Variants in DNM3 observed in about 807,000 individuals in gnomAD.
DNM3 encodes the protein dynamin 3.
DNM3 carries 47 observed loss-of-function variants against 101.6 expected under a neutral mutation model. The ratio of observed to expected loss-of-function variants is 0.46; its 90% CI spans 0.37 to 0.59. The LOEUF is 0.59. Among genes scored for constraint, DNM3 ranks in the 20% least tolerant of loss-of-function variants. DNM3 has a pLI of 0.00. For missense variants in DNM3, 849 were observed against 1,085.7 expected (o/e 0.78, Z 3.06); for synonymous variants, 385 against 387.9 (o/e 0.99, Z 0.09).
intron 6 of DNM3, among the ~76,000 whole-genome samples, chr1:172,036,053 C>G (rs10797721): frequency 0.4 from 60,038 of 148,642 alleles, 13,195 homozygotes; most frequent in East Asian, 0.63. Flanking sequence ...TGTGCACAAT[C>G]TGCAGGTTAG....
chr1:172,169,445 T>G (rs2058869053), intron 14 of DNM3, among the ~76,000 whole-genome samples: 2 of 151,944 alleles, frequency 1.3e-5, no homozygotes, highest in South Asian at 4.1e-4. Flanking sequence ...CATTGGGCAT[T>G]TAGTCTTAGG....
At chr1:171,996,133 A>G (rs1179638351) in intron 4 of DNM3, among the ~76,000 whole-genome samples, 2 of 152,126 alleles carry the variant, frequency 1.3e-5, no homozygotes, top group Admixed American at 6.6e-5. Flanking sequence ...TTCTTTCAGT[A>G]TATGTAGAAT....
intron 1 of DNM3, among the ~76,000 whole-genome samples, chr1:171,889,717 G>A (rs955911455): frequency 2.0e-5 from 3 of 152,046 alleles, no homozygotes; most frequent in Non-Finnish European, 4.4e-5. Context: ...AATTTTTTTT[G>A]TTGTTTATCT....
At chr1:172,256,332 AG>A (rs1225601158) in intron 15 of DNM3, among the ~76,000 whole-genome samples, 2 of 152,018 alleles carry the variant, frequency 1.3e-5, no homozygotes, top group Non-Finnish European at 2.9e-5. Flanking sequence ...ATCTGGCCCT[AG>A]GAAGTATTTT....
intron 14 of DNM3, among the ~76,000 whole-genome samples, chr1:172,150,693 C>A (rs543194326): frequency 2.6e-5 from 4 of 152,120 alleles, no homozygotes; most frequent in Non-Finnish European, 5.9e-5. Context: ...GGGTTTGAAT[C>A]CTGGCTTCAC....
chr1:172,416,769 T>C (rs112720187), downstream of DNM3, among the ~76,000 whole-genome samples: 5 of 152,248 alleles, frequency 3.3e-5, 1 homozygote, highest in African/African-American at 1.2e-4. Context: ...TCGACAGAAA[T>C]TTAATTACAC....
intron 15 of DNM3, among the ~76,000 whole-genome samples, chr1:172,303,560 C>T (rs1044956350): frequency 2.0e-5 from 3 of 151,986 alleles, no homozygotes; most frequent in Non-Finnish European, 4.4e-5. Flanking sequence ...GAAGAGCAAC[C>T]CCAAGACACA....
rs1039244861 is a variant in DNM3 at position 172,410,731 on chromosome 1, A to G, written c.*2890A>G. 32 of 985,298 alleles carry G rather than the reference A, an allele frequency of 3.2e-5. No individual in the cohort carries two copies. Among genetic ancestry groups the G allele is most frequent in the South Asian group, 2.8e-4 (6 of 21,284 alleles). The allele number at this position is 985,298 out of a possible 1,614,324, so 61.0% of individuals were successfully genotyped here. ...AAATTTCCTATTTGTTCCAATACAA[A>G]CTCACTTTATTCTAAAGTATATTAA... On this transcript the variant is annotated 3_prime_UTR_variant, in exon 21 of 21. Transcript: ENST00000627582.
rs533377770 is a variant in DNM3, at chr1:172,327,733, C to T, written c.1893+4393C>T. Among the ~76,000 whole-genome samples the T allele has an allele frequency of 1.2e-4, 18 of 152,150 alleles. 1 individual carries two copies. Among genetic ancestry groups the T allele is most frequent in the Middle Eastern group, 6.8e-3 (2 of 294 alleles). Reference sequence around the variant, plus strand: ...CCCTGGGGTCTAAGGAACACCGTCCCCCACCACCTGGTTGACTAAATTTAT... The same window carrying T: ...CCCTGGGGTCTAAGGAACACCGTCCTCCACCACCTGGTTGACTAAATTTAT... On this transcript the variant is annotated intron_variant, in intron 17 of 20. Coordinates refer to ENST00000627582, the MANE Select transcript of DNM3 (RefSeq NM_015569.5).
chr1:172,291,291 C>T (rs571954380), intron 15 of DNM3, among the ~76,000 whole-genome samples: 28 of 151,950 alleles, frequency 1.8e-4, no homozygotes, highest in African/African-American at 2.9e-4. Context: ...CACGTGTGCA[C>T]GCCTGTTTTC....
At chr1:171,985,733 A>T (rs939281493) in intron 2 of DNM3, among the ~76,000 whole-genome samples, 1 of 152,204 alleles carries the variant, frequency 6.6e-6, no homozygotes, top group Non-Finnish European at 1.5e-5. Context: ...GGTCATTTCA[A>T]TTCTTTGGTA....
intron 1 of DNM3, among the ~76,000 whole-genome samples, chr1:171,863,497 T>A (rs2034398012): frequency 6.6e-6 from 1 of 152,136 alleles, no homozygotes; most frequent in Non-Finnish European, 1.5e-5. Flanking sequence ...TTCAAAATAT[T>A]TATGAAATTT....
chr1:171,922,183 G>A (rs2125325305), intron 2 of DNM3, among the ~76,000 whole-genome samples: 1 of 151,560 alleles, frequency 6.6e-6, no homozygotes, highest in South Asian at 2.1e-4. Context: ...ATGCACTTGG[G>A]GATTAACTCA....
chr1:172,048,867 C>G, intron 10 of DNM3, 117 bp downstream of exon 10: 2 of 1,287,494 alleles, frequency 1.6e-6, no homozygotes, highest in African/African-American at 3.0e-5. Flanking sequence ...GTGTGTTTGC[C>G]TACAGGGAAT....
intron 3 of DNM3, 21 bp downstream of exon 3, chr1:171,987,826 C>A (rs1244064808): frequency 6.6e-7 from 1 of 1,525,022 alleles, no homozygotes; most frequent in South Asian, 1.3e-5. Context: ...TAATAAAATT[C>A]CAAATTCTTC....
At chr1:172,026,195 A>G (rs187389988) in intron 4 of DNM3, among the ~76,000 whole-genome samples, 143 of 152,206 alleles carry the variant, frequency 9.4e-4, no homozygotes, top group Middle Eastern at 3.4e-3. Context: ...ATCAAGCGGA[A>G]GAAAGGATAT....
intron 15 of DNM3, among the ~76,000 whole-genome samples, chr1:172,292,286 G>A (rs1164505247): frequency 2.6e-5 from 4 of 152,128 alleles, no homozygotes; most frequent in Non-Finnish European, 5.9e-5. Context: ...GTTGCCTCAG[G>A]CAGTGTCACA....
intron 15 of DNM3, among the ~76,000 whole-genome samples, chr1:172,277,317 T>G (rs776366249): frequency 3.3e-5 from 5 of 152,072 alleles, no homozygotes; most frequent in Non-Finnish European, 7.4e-5. Context: ...ACTTGGGTAG[T>G]GAAAAGACAA....
intron 15 of DNM3, among the ~76,000 whole-genome samples, chr1:172,297,692 T>C (rs975123328): frequency 6.6e-6 from 1 of 152,132 alleles, no homozygotes; most frequent in South Asian, 2.1e-4. Flanking sequence ...CTAAATAATT[T>C]TTACTTTTGG....
Sources: allele counts gnomAD v4.1 joint callset (sites outside exome capture counted in the v4.1 genomes callset), GRCh38; gene constraint gnomAD v4.1.1; transcripts MANE v1.5; gene names NCBI Gene and HGNC (gene_info 2026-07-23, HGNC 2026-07-21).